Variants in UBE3C observed in about 807,000 individuals in gnomAD.
UBE3C encodes the protein ubiquitin-protein ligase E3C.
Under a neutral mutation model 129.4 loss-of-function variants are expected in UBE3C, and 42 were observed. The ratio of observed to expected loss-of-function variants is 0.32; its 90% CI spans 0.25 to 0.42. UBE3C has a LOEUF of 0.42. Among genes scored for constraint, UBE3C ranks in the 10% least tolerant of loss-of-function variants. UBE3C has a pLI of 1.00. For synonymous variants in UBE3C, 510 were observed against 492.4 expected (o/e 1.04, Z -0.47); for missense variants, 1,049 against 1,319.1 (o/e 0.80, Z 3.17).
At chr7:157,263,396 G>A (rs1796974659) in intron 22 of UBE3C, among the ~76,000 whole-genome samples, 2 of 152,346 alleles carry the variant, frequency 1.3e-5, no homozygotes, top group Non-Finnish European at 1.5e-5. Flanking sequence ...TCGAACGGGG[G>A]CCGGGTGTGG....
intron 19 of UBE3C, among the ~76,000 whole-genome samples, chr7:157,249,583 G>T (rs1332000933): frequency 1.3e-5 from 2 of 152,220 alleles, no homozygotes; most frequent in Non-Finnish European, 2.9e-5. Flanking sequence ...GAAGTGCTGG[G>T]ATTACAGGCG....
At chr7:157,219,927 C>A (rs897709417) in intron 14 of UBE3C, among the ~76,000 whole-genome samples, 1 of 151,906 alleles carries the variant, frequency 6.6e-6, no homozygotes, top group Non-Finnish European at 1.5e-5. Flanking sequence ...ATTGCAAGGG[C>A]CAGCCGGGTG....
intron 8 of UBE3C, among the ~76,000 whole-genome samples, 166 bp from the exon 9 acceptor site, chr7:157,183,712 C>T (rs1408026923): frequency 1.3e-5 from 2 of 152,122 alleles, no homozygotes; most frequent in Non-Finnish European, 1.5e-5. Flanking sequence ...CTGACATGAA[C>T]GGGGACAAAA....
At chr7:157,267,473 C>T (rs1246077727) in intron 22 of UBE3C, 112 bp from the exon 23 acceptor site, 1 of 1,293,034 alleles carries the variant, frequency 7.7e-7, no homozygotes, top group African/African-American at 1.5e-5. Flanking sequence ...GAAAATGTGA[C>T]TGCAATGGTA....
chr7:157,211,825 C>G (rs895456271), intron 13 of UBE3C, among the ~76,000 whole-genome samples: 1 of 152,136 alleles, frequency 6.6e-6, no homozygotes, highest in Non-Finnish European at 1.5e-5. Flanking sequence ...ACACAGGGTG[C>G]CTGTTCCTGC....
chr7:157,223,150 T>G, intron 15 of UBE3C, 104 bp from the exon 16 acceptor site: 6 of 1,200,946 alleles, frequency 5.0e-6, no homozygotes, highest in South Asian at 1.3e-5. Context: ...TTTAGATAAA[T>G]GAGTTAATCA....
At chr7:157,197,404 A>C (rs1563052024) in intron 10 of UBE3C, among the ~76,000 whole-genome samples, 1 of 152,110 alleles carries the variant, frequency 6.6e-6, no homozygotes, top group African/African-American at 2.4e-5. Flanking sequence ...ACTCAAACAT[A>C]CTTATCTTAA....
intron 21 of UBE3C, 143 bp from the exon 22 acceptor site, chr7:157,256,771 A>T: frequency 1.0e-6 from 1 of 975,228 alleles, no homozygotes; most frequent in Non-Finnish European, 1.6e-6. Context: ...TACACAGGTG[A>T]TACACACATG....
chr7:157,192,618 C>T (rs1586677403), intron 10 of UBE3C: 2 of 764,966 alleles, frequency 2.6e-6, no homozygotes. Context: ...GGAGTCTTAC[C>T]CCACTCCCAA....
intron 18 of UBE3C, among the ~76,000 whole-genome samples, chr7:157,234,098 T>C (rs962145482): frequency 2.2e-5 from 3 of 135,506 alleles, no homozygotes; most frequent in Non-Finnish European, 4.7e-5. Context: ...AGCTGAAACA[T>C]TGTCAGATAA....
chr7:157,197,858 C>T lies in UBE3C; in HGVS notation c.1332-3863C>T, dbSNP rs370064813. ...GCACTGAATCATCAATAAGAACAAC[C>T]GCGTTAAGTATTGATTTATCCTCCT... On this transcript the variant is annotated intron_variant, in intron 10 of 22. Transcript: ENST00000348165. 59 of 1,607,402 alleles carry T rather than the reference C, an allele frequency of 3.7e-5. 1 individual carries two copies. Among genetic ancestry groups the T allele is most frequent in the Middle Eastern group, 1.7e-4 (1 of 5,996 alleles).
chr7:157,172,007 A>G (rs1808391550), intron 4 of UBE3C, among the ~76,000 whole-genome samples: 1 of 148,088 alleles, frequency 6.8e-6, no homozygotes, highest in Admixed American at 6.8e-5. Context: ...CACCTGGCCT[A>G]GGTTAAATAT....
chr7:157,248,547 C>T lies in UBE3C; in HGVS notation c.2661C>T (p.Phe887=). The T allele has an allele frequency of 1.2e-6, 2 of 1,612,626 alleles. No homozygotes were observed. The highest frequency in any genetic ancestry group is 1.7e-6 in the Non-Finnish European group (2 of 1,180,014). ...ATGTGGAGGAGCTTGGGCTGAACTTCACTGTGGTGAACAATGACCTGGGAG... is the reference window on the plus strand; with the variant it reads ...ATGTGGAGGAGCTTGGGCTGAACTTTACTGTGGTGAACAATGACCTGGGAG... ...EDDVEELGLN[F]TVVNNDLGEA... The change falls in exon 19 of 23, where the codon TTC becomes TTT. Residue 887 remains phenylalanine, a synonymous_variant. Coordinates refer to ENST00000348165, the MANE Select transcript of UBE3C (RefSeq NM_014671.3).
intron 22 of UBE3C, among the ~76,000 whole-genome samples, chr7:157,265,783 T>TG (rs1372262259): frequency 1.3e-5 from 2 of 152,224 alleles, no homozygotes; most frequent in Non-Finnish European, 2.9e-5. Context: ...GCTGAAGCGT[T>TG]GGTTGCCAGT....
At chr7:157,198,733 C>T (rs567363339) in intron 10 of UBE3C, among the ~76,000 whole-genome samples, 52 of 152,258 alleles carry the variant, frequency 3.4e-4, no homozygotes, top group African/African-American at 1.2e-3. Context: ...CGGGGTTTCA[C>T]CATGTTGACC....
intron 1 of UBE3C, among the ~76,000 whole-genome samples, chr7:157,144,591 T>G (rs1324600308): frequency 6.6e-6 from 1 of 152,164 alleles, no homozygotes; most frequent in East Asian, 1.9e-4. Flanking sequence ...TATAGAAAAG[T>G]TTGTAGACCG....
intron 1 of UBE3C, among the ~76,000 whole-genome samples, chr7:157,141,377 A>T (rs1345406981): frequency 6.6e-6 from 1 of 152,184 alleles, no homozygotes; most frequent in Non-Finnish European, 1.5e-5. Context: ...TATGTGACTT[A>T]AAGAGGGGGA....
rs546353910 is a variant in UBE3C at position 157,149,545 on chromosome 7, C to T, written c.66+10207C>T. On this transcript the variant is annotated intron_variant, in intron 1 of 22. Coordinates refer to ENST00000348165, the MANE Select transcript of UBE3C (RefSeq NM_014671.3). ...CATGCACAGGCGGACCCTGCACTGG[C>T]ACATCCCTGAGAGTGAGTGCCTCCT... Among the ~76,000 whole-genome samples, 20 of 152,248 alleles carry T rather than the reference C, an allele frequency of 1.3e-4. No individual in the cohort carries two copies. In the South Asian group the frequency reaches 4.1e-3, roughly 32 times the overall value.
intron 17 of UBE3C, among the ~76,000 whole-genome samples, chr7:157,227,935 A>G (rs1319609357): frequency 6.6e-6 from 1 of 152,244 alleles, no homozygotes; most frequent in Admixed American, 6.5e-5. Flanking sequence ...TCTCAACTCA[A>G]ATACTGTAAG....
Sources: gnomAD v4.1 joint callset for allele counts (sites outside exome capture counted in the v4.1 genomes callset) on GRCh38, gnomAD v4.1.1 for gene constraint, MANE v1.5 for transcripts, NCBI Gene and HGNC (gene_info 2026-07-23, HGNC 2026-07-21) for gene names.